The following MSH3 variants were observed in gnomAD, a reference collection of about 807,000 sequenced individuals.
The protein encoded by MSH3 is DNA mismatch repair protein Msh3.
Under a neutral mutation model 123.3 loss-of-function variants are expected in MSH3, and 106 were observed. The ratio of observed to expected loss-of-function variants is 0.86; its 90% CI spans 0.73 to 1.01. The LOEUF (loss-of-function observed/expected upper bound fraction) is 1.01, where lower values mean the gene tolerates loss of function less well. Among genes scored for constraint, MSH3 ranks in the 50% least tolerant of loss-of-function variants. The pLI, the probability that MSH3 is intolerant of heterozygous loss-of-function variation, is 0.00. For synonymous variants in MSH3, 515 were observed against 481.4 expected, an observed-to-expected ratio of 1.07 and a Z score of -0.91; for missense variants, 1,459 against 1,347.6, an observed-to-expected ratio of 1.08 and a Z score of -1.29.
chr5:80,740,436 C>G (rs974093270), intron 10 of MSH3, among the ~76,000 whole-genome samples: 1 of 151,554 alleles, frequency 6.6e-6, no homozygotes, highest in Non-Finnish European at 1.5e-5. Flanking sequence ...TGGCTCACTG[C>G]AACCTCCGCC....
chr5:80,660,734 A>G (rs191176586), intron 2 of MSH3, among the ~76,000 whole-genome samples: 226 of 151,622 alleles, frequency 1.5e-3, no homozygotes, highest in African/African-American at 5.4e-3. Context: ...ACTGATTTTC[A>G]TGTTTGATTT....
intron 8 of MSH3, among the ~76,000 whole-genome samples, chr5:80,705,408 G>A (rs747499409): frequency 6.6e-6 from 1 of 152,190 alleles, no homozygotes; most frequent in Non-Finnish European, 1.5e-5. Context: ...GTACCAGACG[G>A]TGAAAGCATT....
intron 17 of MSH3, among the ~76,000 whole-genome samples, chr5:80,782,958 T>C (rs944334335): frequency 1.3e-5 from 2 of 152,202 alleles, no homozygotes; most frequent in Admixed American, 1.3e-4. Flanking sequence ...GATTAAATCC[T>C]CCCTTGAAAC....
chr5:80,748,145 C>T (rs917865543), intron 12 of MSH3, among the ~76,000 whole-genome samples: 2 of 152,090 alleles, frequency 1.3e-5, no homozygotes, highest in African/African-American at 4.8e-5. Context: ...GCAGATCTCC[C>T]CAGGTTCTGC....
intron 8 of MSH3, among the ~76,000 whole-genome samples, chr5:80,718,182 C>A (rs1751002064): frequency 6.6e-6 from 1 of 152,300 alleles, no homozygotes; most frequent in East Asian, 1.9e-4. Flanking sequence ...CTGACTTTGT[C>A]ATTGTTATCA....
At chr5:80,694,456 T>C (rs1750424278) in intron 8 of MSH3, among the ~76,000 whole-genome samples, 1 of 152,158 alleles carries the variant, frequency 6.6e-6, no homozygotes, top group Admixed American at 6.5e-5. Context: ...ATAATATAAT[T>C]ACCTTAAATA....
rs899538883 is a variant in MSH3, at chr5:80,662,548, G to A, written c.359-2595G>A. 5.3e-5 allele frequency among the ~76,000 whole-genome samples: 8 copies of A among 152,022 alleles called. No individual in the cohort carries two copies. In the South Asian group the frequency reaches 8.3e-4, roughly 16 times the overall value. On this transcript the variant is annotated intron_variant, in intron 2 of 23. Coordinates refer to ENST00000265081, the MANE Select transcript of MSH3 (RefSeq NM_002439.5). ...ATCTCTAAAACATTTTATTTGGGGC[G>A]GGGCACGGTGGCTCACGCCTTTAAT...
intron 13 of MSH3, among the ~76,000 whole-genome samples, chr5:80,765,998 A>AT (rs1156986073): frequency 1.3e-5 from 2 of 151,760 alleles, no homozygotes; most frequent in African/African-American, 2.4e-5. Context: ...CTTCTGTTGA[A>AT]TTTTTCATTT....
intron 21 of MSH3, among the ~76,000 whole-genome samples, chr5:80,861,086 G>C (rs928282622): frequency 1.1e-4 from 17 of 152,130 alleles, no homozygotes; most frequent in African/African-American, 4.1e-4. Context: ...GTTAACCATA[G>C]AGCCCTTAGC....
rs541288102 is a variant in MSH3 at position 80,807,572 on chromosome 5, G to A, written c.2656-6012G>A. Among the ~76,000 whole-genome samples the A allele has an allele frequency of 3.9e-5, 6 of 152,306 alleles. No homozygotes were observed. The East Asian group carries it at 9.6e-4, about 24-fold the overall frequency. On this transcript the variant is annotated intron_variant, in intron 19 of 23. Coordinates refer to ENST00000265081, the MANE Select transcript of MSH3 (RefSeq NM_002439.5). ...CATGCAGCTCAAAAACGAGTAATAC[G>A]TGCGGCAGATTTGTTTATCACTTTT...
At chr5:80,703,381 T>C (rs1750652380) in intron 8 of MSH3, among the ~76,000 whole-genome samples, 1 of 152,166 alleles carries the variant, frequency 6.6e-6, no homozygotes, top group African/African-American at 2.4e-5. Flanking sequence ...TACTTGTGGG[T>C]GATTAAATTG....
intron 19 of MSH3, among the ~76,000 whole-genome samples, chr5:80,796,846 C>G (rs2112031651): frequency 6.6e-6 from 1 of 152,020 alleles, no homozygotes; most frequent in Middle Eastern, 3.4e-3. Context: ...CGCTGGAGCT[C>G]CCTCCTCCAC....
intron 20 of MSH3, among the ~76,000 whole-genome samples, chr5:80,834,142 C>T (rs1472742993): frequency 1.3e-5 from 2 of 152,048 alleles, no homozygotes; most frequent in African/African-American, 4.8e-5. Context: ...TACATCCGTA[C>T]CATCAGGTGC....
chr5:80,709,682 T>A (rs1184164721), intron 8 of MSH3, among the ~76,000 whole-genome samples: 1 of 152,348 alleles, frequency 6.6e-6, no homozygotes, highest in East Asian at 1.9e-4. Context: ...TTTCTTATGT[T>A]TAATAATAAT....
chr5:80,758,985 G>A (rs1036212390), intron 12 of MSH3, among the ~76,000 whole-genome samples: 1 of 152,126 alleles, frequency 6.6e-6, no homozygotes, highest in African/African-American at 2.4e-5. Flanking sequence ...CTTTATATTT[G>A]TATAACATTT....
At chr5:80,828,654 T>C (rs922252816) in intron 20 of MSH3, among the ~76,000 whole-genome samples, 3 of 152,178 alleles carry the variant, frequency 2.0e-5, no homozygotes, top group African/African-American at 7.2e-5. Context: ...TGTTACCTAC[T>C]TCCAAAATAA....
intron 10 of MSH3, among the ~76,000 whole-genome samples, chr5:80,733,765 CAGTT>C (rs1743454624): frequency 6.6e-6 from 1 of 151,888 alleles, no homozygotes; most frequent in African/African-American, 2.4e-5. Context: ...ATCAATGCCA[CAGTT>C]AGATAACACT....
In MSH3 at chr5:80,656,456, G is replaced by A; in HGVS notation, c.283G>A (p.Gly95Arg). 2 of 1,614,092 alleles carry A rather than the reference G, an allele frequency of 1.2e-6. No homozygotes were observed. The highest frequency in any genetic ancestry group is 1.7e-6 in the Non-Finnish European group (2 of 1,179,982). The change falls in exon 2 of 24, where the codon GGG (glycine) becomes AGG (arginine). Residue 95 changes from glycine to arginine, a missense_variant. Physicochemically the swap from Gly to Arg is moderately radical, Grantham distance 125 (BLOSUM62 -2). Coordinates refer to ENST00000265081, the MANE Select transcript of MSH3 (RefSeq NM_002439.5). ...AAAGAAGAGACCATTGGAAAATGATGGGCCTGTTAAAAAGAAAGTAAAGAA... is the reference window on the plus strand; with the variant it reads ...AAAGAAGAGACCATTGGAAAATGATAGGCCTGTTAAAAAGAAAGTAAAGAA... ...RRKKRPLEND[G>R]PVKKKVKKVQ...
rs11415035 is a variant in MSH3 at position 80,812,584 on chromosome 5, C to CTTTTTTTTT, written c.2656-991_2656-983dup. 4.9e-5 allele frequency among the ~76,000 whole-genome samples: 6 copies of CTTTTTTTTT among 123,682 alleles called. 2 individuals are homozygous for CTTTTTTTTT. The highest frequency in any genetic ancestry group is 9.8e-5 in the Non-Finnish European group (6 of 61,286). The allele number at this position is 123,682 out of a possible 152,430, so 81.1% of individuals were successfully genotyped here. A position where few individuals can be genotyped will look rare whatever the true frequency, so the allele number is the denominator to read the frequency against. On this transcript the variant is annotated intron_variant, in intron 19 of 23. Transcript: ENST00000265081. ...AGCTAGGCCCATTGGCTGGTTCTGG[C>CTTTTTTTTT]TTTTTTTTTTTTTTTTTGAGATGGA...
Sources: gnomAD v4.1 joint callset for allele counts (sites outside exome capture counted in the v4.1 genomes callset) on GRCh38, gnomAD v4.1.1 for gene constraint, MANE v1.5 for transcripts, NCBI Gene and HGNC (gene_info 2026-07-23, HGNC 2026-07-21) for gene names.